KCNJ15: variants seen among roughly 807,000 people sequenced by gnomAD.
KCNJ15 encodes potassium inwardly rectifying channel subfamily J member 15.
KCNJ15 carries 14 observed loss-of-function variants against 23.0 expected under a neutral mutation model. That is an observed-to-expected ratio of 0.61 (90% CI 0.40 to 0.95). The LOEUF (loss-of-function observed/expected upper bound fraction) is 0.95, where lower values mean the gene tolerates loss of function less well. KCNJ15 is among the 40% of genes least tolerant of loss of function. The pLI, the probability that KCNJ15 is intolerant of heterozygous loss-of-function variation, is 0.00. For missense variants in KCNJ15, 388 were observed against 461.8 expected (o/e 0.84, Z 1.46); for synonymous variants, 185 against 183.2 (o/e 1.01, Z -0.08).
chr21:38,261,189 G>A (rs1327644800), intron 1 of KCNJ15, among the ~76,000 whole-genome samples: 2 of 152,160 alleles, frequency 1.3e-5, no homozygotes, highest in Non-Finnish European at 2.9e-5. Flanking sequence ...TGGGCGGATG[G>A]CTATGGAACT....
intron 1 of KCNJ15, among the ~76,000 whole-genome samples, chr21:38,233,113 A>G (rs1568977212): frequency 6.6e-6 from 1 of 151,902 alleles, no homozygotes; most frequent in Admixed American, 6.5e-5. Flanking sequence ...TTTTTGCTTT[A>G]TGTATTTTGG....
In KCNJ15 at chr21:38,303,178, ATAC is replaced by A. The variant is rs2146360430; in HGVS notation, c.*2791_*2793del. On this transcript the variant is annotated 3_prime_UTR_variant, in exon 3 of 3. Transcript: ENST00000398938. ...CTTAACTATTATTACTTTGTACGTA[ATAC>A]TTTCATGTTACTATGCTAACAAAGG... The A allele has an allele frequency of 6.6e-6, 1 of 152,076 alleles. No individual in the cohort carries two copies. Among genetic ancestry groups the A allele is most frequent in the South Asian group, 2.1e-4 (1 of 4,822 alleles). 9.4% of individuals were successfully genotyped at this position (152,076 alleles called of 1,614,324 possible). A position where few individuals can be genotyped will look rare whatever the true frequency, so the allele number is the denominator to read the frequency against.
chr21:38,299,316 G>C lies in KCNJ15; in HGVS notation c.55G>C (p.Gly19Arg). 17 of 1,614,178 alleles carry C rather than the reference G, an allele frequency of 1.1e-5. No homozygotes were observed. Among genetic ancestry groups the C allele is most frequent in the Non-Finnish European group, 1.4e-5 (17 of 1,180,004 alleles). ...CACCCCCCTGGTGAAGCACACTGCTGGGGCTGGGCTCAAGGCCAACAGACC... is the reference window on the plus strand; with the variant it reads ...CACCCCCCTGGTGAAGCACACTGCTCGGGCTGGGCTCAAGGCCAACAGACC... ...SSTPLVKHTA[G>R]AGLKANRPRV... The change falls in exon 3 of 3, where the codon GGG becomes CGG. Residue 19 changes from glycine (G) to arginine (R), a missense_variant. By Grantham distance (125) the Gly-to-Arg change is moderately radical. Coordinates refer to ENST00000398938, the MANE Select transcript of KCNJ15 (RefSeq NM_170736.3). This position sits in a 1 kb window ranked among gnomAD's most constrained non-coding sequence, Gnocchi z 4.5.
At chr21:38,239,718 T>C (rs145737037) in intron 1 of KCNJ15, among the ~76,000 whole-genome samples, 10 of 152,296 alleles carry the variant, frequency 6.6e-5, no homozygotes, top group African/African-American at 2.4e-4. Context: ...AAAATTGAGT[T>C]ACAAACAAAA....
chr21:38,245,143 G>A (rs1979274761), intron 1 of KCNJ15, among the ~76,000 whole-genome samples: 1 of 151,986 alleles, frequency 6.6e-6, no homozygotes, highest in African/African-American at 2.4e-5. Flanking sequence ...GAGAGGCTCA[G>A]GGGAAGGCAA....
rs10709944 is a variant in KCNJ15 at position 38,275,519 on chromosome 21, C to CAA, written c.-117+18355_-117+18356dup. On this transcript the variant is annotated intron_variant, in intron 1 of 2. Transcript: ENST00000398938. ...CCTGGGCGACAGACCGAAACTCCGT[C>CAA]AAAAAAAAAAAAAAAAAAAAAAGCA... Among the ~76,000 whole-genome samples, 658 of 88,068 alleles carry CAA rather than the reference C, an allele frequency of 7.5e-3. 6 individuals carry two copies. Among genetic ancestry groups the CAA allele is most frequent in the African/African-American group, 0.03 (619 of 20,656 alleles). The allele number at this position is 88,068 out of a possible 152,430, so 57.8% of individuals were successfully genotyped here.
In KCNJ15 at chr21:38,306,128, AAG is replaced by A. The variant is rs1399644554; in HGVS notation, c.*5742_*5743del. On this transcript the variant is annotated 3_prime_UTR_variant, in exon 3 of 3. Transcript: ENST00000398938. ...CAGAATTAGGCTGATGGTTTTACAAAAGAGTCCTCCTAAAAGTCCATCACTAA... is the reference window on the plus strand; with the variant it reads ...CAGAATTAGGCTGATGGTTTTACAAAAGTCCTCCTAAAAGTCCATCACTAA... The A allele has an allele frequency of 6.6e-6, 1 of 152,228 alleles. No individual in the cohort carries two copies. Among genetic ancestry groups the A allele is most frequent in the Non-Finnish European group, 1.5e-5 (1 of 68,052 alleles). The allele number at this position is 152,228 out of a possible 1,614,324, so 9.4% of individuals were successfully genotyped here. A position where few individuals can be genotyped will look rare whatever the true frequency, so the allele number is the denominator to read the frequency against.
At chr21:38,271,231 A>T (rs1408249977) in intron 1 of KCNJ15, among the ~76,000 whole-genome samples, 1 of 152,234 alleles carries the variant, frequency 6.6e-6, no homozygotes, top group Non-Finnish European at 1.5e-5. Flanking sequence ...GCTAAAACTT[A>T]AAGAGGTTTC....
chr21:38,282,780 CTG>C (rs1983492841), intron 1 of KCNJ15, among the ~76,000 whole-genome samples: 1 of 152,272 alleles, frequency 6.6e-6, no homozygotes, highest in Non-Finnish European at 1.5e-5. Context: ...GGATGAACTA[CTG>C]TGCCCAGTCT....
intron 1 of KCNJ15, among the ~76,000 whole-genome samples, chr21:38,248,220 G>A (rs1003404807): frequency 6.6e-6 from 1 of 152,308 alleles, no homozygotes; most frequent in Admixed American, 6.5e-5. Context: ...AACAGAAGGG[G>A]TAACTGAGCA....
intron 1 of KCNJ15, among the ~76,000 whole-genome samples, chr21:38,269,486 T>G (rs762848304): frequency 3.9e-5 from 6 of 152,208 alleles, no homozygotes; most frequent in Non-Finnish European, 8.8e-5. Context: ...TGGGGTTGCT[T>G]CTTTCATTTC....
Position 38,257,137 on chromosome 21 carries a change from G to C in KCNJ15, c.-165G>C, listed in dbSNP as rs888861788. 1.3e-5 allele frequency: 2 copies of C among 152,176 alleles called. No homozygotes were observed. Among genetic ancestry groups the C allele is most frequent in the African/African-American group, 4.8e-5 (2 of 41,404 alleles). The allele number at this position is 152,176 out of a possible 1,614,324, so 9.4% of individuals were successfully genotyped here. On this transcript the variant is annotated 5_prime_UTR_variant, in exon 1 of 3. Coordinates refer to ENST00000398938, the MANE Select transcript of KCNJ15 (RefSeq NM_170736.3). The stretch of plus-strand genomic sequence containing the variant: ...TCTGGACTGAGCATTTCTCTGACTT[G>C]ACATAACTTCCCATCCAGCCAGGAG...
intron 1 of KCNJ15, among the ~76,000 whole-genome samples, chr21:38,236,407 G>A (rs1348531249): frequency 1.3e-5 from 2 of 152,172 alleles, no homozygotes; most frequent in Admixed American, 6.5e-5. Flanking sequence ...CCCTCCACCA[G>A]GGGGTAGGGG....
At chr21:38,281,802 G>A (rs2123680952) in intron 1 of KCNJ15, among the ~76,000 whole-genome samples, 1 of 150,862 alleles carries the variant, frequency 6.6e-6, no homozygotes, top group Non-Finnish European at 1.5e-5. Context: ...GGGATTGCTG[G>A]GTCAAATGAC....
At chr21:38,253,902 C>A (rs984298863), upstream of KCNJ15, among the ~76,000 whole-genome samples, 6 of 152,180 alleles carry the variant, frequency 3.9e-5, no homozygotes, top group Non-Finnish European at 5.9e-5. Flanking sequence ...GAAGTAAACA[C>A]AACTTACTGA....
chr21:38,277,590 G>C (rs1001589601), intron 1 of KCNJ15, among the ~76,000 whole-genome samples: 1 of 151,902 alleles, frequency 6.6e-6, no homozygotes, highest in Admixed American at 6.5e-5. Flanking sequence ...GGTGATTCAC[G>C]GCATAAGAGT....
chr21:38,245,777 C>A (rs1360244521), intron 1 of KCNJ15, among the ~76,000 whole-genome samples: 9 of 152,136 alleles, frequency 5.9e-5, no homozygotes, highest in Non-Finnish European at 5.9e-5. Context: ...AGCTGGAAAT[C>A]AAACAGAACT....
chr21:38,230,629 A>G (rs551062099), intron 1 of KCNJ15, among the ~76,000 whole-genome samples: 1 of 151,926 alleles, frequency 6.6e-6, no homozygotes, highest in East Asian at 1.9e-4. Flanking sequence ...GTTTGCTTTC[A>G]TGTTTCCTCT....
intron 1 of KCNJ15, chr21:38,291,736 G>A (rs1039075060): frequency 1.2e-4 from 19 of 152,170 alleles, no homozygotes; most frequent in Admixed American, 7.9e-4. Flanking sequence ...CTGCTGAATC[G>A]GAAATTCTGA....
Sources: allele counts gnomAD v4.1 joint callset (sites outside exome capture counted in the v4.1 genomes callset), GRCh38; gene constraint gnomAD v4.1.1; non-coding constraint Gnocchi (gnomAD v3.1); transcripts MANE v1.5; gene names NCBI Gene and HGNC (gene_info 2026-07-23, HGNC 2026-07-21).